The following LRFN2 variants were observed in gnomAD, a reference collection of about 807,000 sequenced individuals.
LRFN2 encodes the protein leucine rich repeat and fibronectin type III domain containing 2, also known as leucine-rich repeat and fibronectin type-III domain-containing protein 2.
A neutral mutation model predicts 37.3 loss-of-function variants in LRFN2; 18 were observed. That is an observed-to-expected ratio of 0.48 (90% CI 0.33 to 0.72). The LOEUF (loss-of-function observed/expected upper bound fraction) is 0.72. LRFN2 is among the 30% of genes least tolerant of loss of function. The pLI is 0.02. For synonymous variants in LRFN2, 556 were observed against 466.6 expected (o/e 1.19, Z -2.47); for missense variants, 1,006 against 1,060.7 (o/e 0.95, Z 0.72).
chr6:40,547,080 TA>T (rs762266177), intron 1 of LRFN2, among the ~76,000 whole-genome samples: 95 of 149,398 alleles, frequency 6.4e-4, no homozygotes, highest in African/African-American at 1.9e-3. Context: ...ATTTCTGTTG[TA>T]AAAAAAATGG....
chr6:40,530,789 C>T (rs1255522203), intron 1 of LRFN2, among the ~76,000 whole-genome samples: 1 of 152,070 alleles, frequency 6.6e-6, no homozygotes. Context: ...TTCGGAGTGC[C>T]AAGTTCACAC....
chr6:40,481,819 C>A (rs1016967317), intron 1 of LRFN2, among the ~76,000 whole-genome samples: 1 of 152,124 alleles, frequency 6.6e-6, no homozygotes, highest in Non-Finnish European at 1.5e-5. Context: ...AGACTCAGTC[C>A]CACAACCCTG....
intron 2 of LRFN2, among the ~76,000 whole-genome samples, chr6:40,404,448 C>A (rs1306855604): frequency 6.6e-6 from 1 of 152,168 alleles, no homozygotes; most frequent in Non-Finnish European, 1.5e-5. Context: ...TGCATGTGGT[C>A]ATTCAAATTT....
At chr6:40,502,769 C>G (rs935530117) in intron 1 of LRFN2, among the ~76,000 whole-genome samples, 2 of 152,218 alleles carry the variant, frequency 1.3e-5, no homozygotes, top group African/African-American at 4.8e-5. Context: ...CACTGGGTTG[C>G]CCAGTGGGGC....
intron 1 of LRFN2, among the ~76,000 whole-genome samples, chr6:40,549,681 T>C (rs1766733076): frequency 6.6e-6 from 1 of 152,118 alleles, no homozygotes; most frequent in South Asian, 2.1e-4. Context: ...GGAACCACAG[T>C]GAAACATAAG....
At chr6:40,468,271 G>A (rs979852500) in intron 1 of LRFN2, among the ~76,000 whole-genome samples, 1 of 152,068 alleles carries the variant, frequency 6.6e-6, no homozygotes, top group African/African-American at 2.4e-5. Context: ...GGAGGTCCCG[G>A]TAATGCTCTC....
intron 1 of LRFN2, among the ~76,000 whole-genome samples, chr6:40,586,297 T>A (rs1185411706): frequency 6.6e-6 from 1 of 152,108 alleles, no homozygotes; most frequent in Non-Finnish European, 1.5e-5. Flanking sequence ...GCATGGCTAA[T>A]GCCACTTTCC....
intron 1 of LRFN2, among the ~76,000 whole-genome samples, chr6:40,446,661 TC>T (rs2113838525): frequency 6.6e-6 from 1 of 152,366 alleles, no homozygotes; most frequent in Admixed American, 6.5e-5. Context: ...CTTTCTGTCC[TC>T]TGGGAGGCTG....
chr6:40,550,745 C>G (rs1307198985), intron 1 of LRFN2, among the ~76,000 whole-genome samples: 1 of 152,064 alleles, frequency 6.6e-6, no homozygotes, highest in East Asian at 1.9e-4. Context: ...GAGGTGTAAA[C>G]AGCTTACCAT....
intron 1 of LRFN2, among the ~76,000 whole-genome samples, chr6:40,449,668 T>C (rs1243944864): frequency 1.3e-5 from 2 of 152,186 alleles, no homozygotes; most frequent in Non-Finnish European, 2.9e-5. Context: ...GCCCTGAACT[T>C]CCCACAGTTT....
chr6:40,418,285 C>T (rs938330592), intron 2 of LRFN2, among the ~76,000 whole-genome samples: 1 of 152,154 alleles, frequency 6.6e-6, no homozygotes, highest in Non-Finnish European at 1.5e-5. Flanking sequence ...CTTACAGAGG[C>T]GATTCCTAAC....
At chr6:40,537,664 C>T (rs578133337) in intron 1 of LRFN2, among the ~76,000 whole-genome samples, 38 of 152,118 alleles carry the variant, frequency 2.5e-4, no homozygotes, top group Non-Finnish European at 5.1e-4. Context: ...GTGGGGGTGG[C>T]TTACCTCCCC....
At chr6:40,564,091 C>T (rs1767047442) in intron 1 of LRFN2, among the ~76,000 whole-genome samples, 1 of 152,084 alleles carries the variant, frequency 6.6e-6, no homozygotes, top group Admixed American at 6.5e-5. Flanking sequence ...GGAATGTTAC[C>T]TAATTTTCCC....
intron 1 of LRFN2, among the ~76,000 whole-genome samples, chr6:40,493,518 T>A (rs564311787): frequency 6.6e-6 from 1 of 152,300 alleles, no homozygotes; most frequent in South Asian, 2.1e-4. Context: ...GGCCTGGACA[T>A]GCTCGCCCAT....
At chr6:40,538,109 T>G (rs7751804) in intron 1 of LRFN2, among the ~76,000 whole-genome samples, 71,487 of 152,072 alleles carry the variant, frequency 0.47, 17,500 homozygotes, top group African/African-American at 0.6. Context: ...AGGTCTCTCT[T>G]TGCTATTCTG....
At chr6:40,515,063 T>G (rs1345671862) in intron 1 of LRFN2, among the ~76,000 whole-genome samples, 1 of 152,140 alleles carries the variant, frequency 6.6e-6, no homozygotes, top group African/African-American at 2.4e-5. Flanking sequence ...TCCAGAACAG[T>G]GGATAATCTA....
At chr6:40,523,976 AGGGGGAGGGGCTGGGAAGG>A (rs1214957084) in intron 1 of LRFN2, 2 of 12,622 alleles carry the variant, frequency 1.6e-4, no homozygotes, top group Non-Finnish European at 2.5e-4. Context: ...ATAGAAGGGC[AGGGGGAGGGGCTGGGAAGG>A]GCAGGGGGAG....
intron 2 of LRFN2, among the ~76,000 whole-genome samples, chr6:40,429,791 G>A (rs917504414): frequency 1.3e-5 from 2 of 152,122 alleles, no homozygotes; most frequent in Non-Finnish European, 2.9e-5. Context: ...CCACCTGAAT[G>A]TTCCATAATA....
chr6:40,452,123 A>G (rs528589270), intron 1 of LRFN2, among the ~76,000 whole-genome samples: 12 of 152,330 alleles, frequency 7.9e-5, no homozygotes, highest in African/African-American at 2.4e-4. Flanking sequence ...AGACTCTAGG[A>G]GGATGTCCGA....
Sources: allele counts gnomAD v4.1 joint callset (sites outside exome capture counted in the v4.1 genomes callset), GRCh38; gene constraint gnomAD v4.1.1; transcripts MANE v1.5; gene names NCBI Gene and HGNC (gene_info 2026-07-23, HGNC 2026-07-21).